Variants in RPGRIP1L observed in about 807,000 individuals in gnomAD.
RPGRIP1L encodes protein fantom.
A neutral mutation model predicts 160.4 loss-of-function variants in RPGRIP1L; 131 were observed. The ratio of observed to expected loss-of-function variants is 0.82; its 90% CI spans 0.71 to 0.94. The LOEUF (loss-of-function observed/expected upper bound fraction) is 0.94, where lower values mean the gene tolerates loss of function less well. Among genes scored for constraint, RPGRIP1L ranks in the 40% least tolerant of loss-of-function variants. The pLI is 0.00. For synonymous variants in RPGRIP1L, 510 were observed against 515.8 expected, an observed-to-expected ratio of 0.99 and a Z score of 0.15; for missense variants, 1,522 against 1,535.8, an observed-to-expected ratio of 0.99 and a Z score of 0.15.
chr16:53,636,104 A>T (rs923684497), intron 22 of RPGRIP1L, among the ~76,000 whole-genome samples: 2 of 152,186 alleles, frequency 1.3e-5, no homozygotes, highest in African/African-American at 4.8e-5. Context: ...CACATTTTGA[A>T]TTCTTTAAAG....
At position 53,687,932 on chromosome 16, in the gene RPGRIP1L, G is replaced by A; in HGVS notation, c.563C>T (p.Thr188Ile). The change falls in exon 5 of 27, where the codon ACT (threonine) becomes ATT (isoleucine). Residue 188 changes from threonine (T) to isoleucine (I), a missense_variant. Coordinates refer to ENST00000647211, the MANE Select transcript of RPGRIP1L (RefSeq NM_015272.5). ...ATATTTTGTAAACATGGGATGTGGA[G>A]TTTCTGCTACATCTGCATCTTGGAA... ...IKFQDADVAE[T>I]PHPMFTKYGN... is the part of the protein sequence containing the mutation. 8 of 1,610,430 alleles carry A rather than the reference G, an allele frequency of 5.0e-6. No homozygotes were observed. The highest frequency in any genetic ancestry group is 1.7e-5 in the Admixed American group (1 of 59,984).
chr16:53,645,648 A>C lies in RPGRIP1L; in HGVS notation c.2660T>G (p.Leu887Trp). 1.9e-6 allele frequency: 3 copies of C among 1,613,884 alleles called. No homozygotes were observed. Among genetic ancestry groups the C allele is most frequent in the Non-Finnish European group, 2.5e-6 (3 of 1,179,926 alleles). ...ACCTGAGATACACCTGTCATGTGCCAACGAAATCAGAGGCACATTGACTTT... is the reference window on the plus strand; with the variant it reads ...ACCTGAGATACACCTGTCATGTGCCCACGAAATCAGAGGCACATTGACTTT... The part of the protein sequence containing the change: ...IGKVNVPLIS[L>W]AHDRCISGIF... The change falls in exon 17 of 27, where the codon TTG (leucine) becomes TGG (tryptophan). Residue 887 changes from leucine (L) to tryptophan (W), a missense_variant. Coordinates refer to ENST00000647211, the MANE Select transcript of RPGRIP1L (RefSeq NM_015272.5).
intron 26 of RPGRIP1L, among the ~76,000 whole-genome samples, chr16:53,603,736 G>C (rs1963509210): frequency 6.6e-6 from 1 of 151,542 alleles, no homozygotes; most frequent in East Asian, 2.0e-4. Context: ...TTGTTAGAAA[G>C]CCTTAAAACT....
intron 25 of RPGRIP1L, 78 bp downstream of exon 25, chr16:53,610,889 C>T (rs1963991796): frequency 1.7e-6 from 2 of 1,162,588 alleles, no homozygotes; most frequent in Non-Finnish European, 2.6e-6. Context: ...TCATCTTGTG[C>T]CTTTTATTTT....
In RPGRIP1L at chr16:53,599,435, G is replaced by T. The variant is rs1030744301; in HGVS notation, c.*2641C>A. 2.0e-5 allele frequency: 3 copies of T among 152,162 alleles called. No individual in the cohort carries two copies. The highest frequency in any genetic ancestry group is 2.0e-4 in the Admixed American group (3 of 15,286). The allele number at this position is 152,162 out of a possible 1,614,324, so 9.4% of individuals were successfully genotyped here. A position where few individuals can be genotyped will look rare whatever the true frequency, so the allele number is the denominator to read the frequency against. Reference sequence around the variant, plus strand: ...AACTGCTTTTCATGACAGTGGCTGGGAATTTGACATTTCTACTACAGTAGG... The same window carrying T: ...AACTGCTTTTCATGACAGTGGCTGGTAATTTGACATTTCTACTACAGTAGG... On this transcript the variant is annotated 3_prime_UTR_variant, in exon 27 of 27. Coordinates refer to ENST00000647211, the MANE Select transcript of RPGRIP1L (RefSeq NM_015272.5).
intron 24 of RPGRIP1L, among the ~76,000 whole-genome samples, chr16:53,618,031 T>C (rs1369972017): frequency 6.6e-6 from 1 of 152,210 alleles, no homozygotes; most frequent in Non-Finnish European, 1.5e-5. Context: ...GGTAGCCTGA[T>C]ATTATTTTTT....
intron 4 of RPGRIP1L, among the ~76,000 whole-genome samples, chr16:53,691,137 T>C (rs1363361703): frequency 6.6e-6 from 1 of 151,846 alleles, no homozygotes; most frequent in East Asian, 1.9e-4. Context: ...CCTCAAAGAA[T>C]TGAAACTAAA....
In RPGRIP1L at chr16:53,675,057, G is replaced by A. The variant is rs756933002; in HGVS notation, c.842C>T (p.Ala281Val). ...AAATTTTCCTTCCATTGCTGAAAGA[G>A]CATTGCTTTTCTCTACTAGCTGTTT... ...LHKQLVEKSN[A>V]LSAMEGKFIQ... Residue 281 changes from alanine to valine, a missense_variant, in exon 7 of 27, where the codon GCT becomes GTT. Transcript: ENST00000647211. 1.2e-6 allele frequency: 2 copies of A among 1,610,910 alleles called. No homozygotes were observed. The highest frequency in any genetic ancestry group is 1.7e-5 in the Admixed American group (1 of 59,948).
At chr16:53,684,074 A>C (rs1261192336) in intron 6 of RPGRIP1L, among the ~76,000 whole-genome samples, 2 of 152,192 alleles carry the variant, frequency 1.3e-5, no homozygotes, top group Non-Finnish European at 1.5e-5. Flanking sequence ...AATGGTGATC[A>C]CTAAAAATTC....
At chr16:53,670,056 G>C (rs1968581933) in intron 9 of RPGRIP1L, among the ~76,000 whole-genome samples, 1 of 152,114 alleles carries the variant, frequency 6.6e-6, no homozygotes, top group South Asian at 2.1e-4. Context: ...ACACACATAT[G>C]ATTTTAACTG....
intron 21 of RPGRIP1L, 35 bp from the exon 22 acceptor site, chr16:53,636,547 G>A: frequency 6.9e-7 from 1 of 1,438,906 alleles, no homozygotes; most frequent in Non-Finnish European, 9.8e-7. Context: ...ATTTACACAA[G>A]TTAAACCAAT....
intron 1 of RPGRIP1L, among the ~76,000 whole-genome samples, chr16:53,701,509 G>A (rs1331634269): frequency 6.7e-6 from 1 of 149,328 alleles, no homozygotes; most frequent in East Asian, 1.9e-4. Flanking sequence ...GATGTGAGTG[G>A]TCCACACAAT....
chr16:53,625,279 G>A (rs1401994891), intron 22 of RPGRIP1L, among the ~76,000 whole-genome samples: 1 of 151,854 alleles, frequency 6.6e-6, no homozygotes, highest in Non-Finnish European at 1.5e-5. Flanking sequence ...GGGAAGTGAG[G>A]AGCGTCTCTG....
intron 10 of RPGRIP1L, among the ~76,000 whole-genome samples, chr16:53,663,798 T>G (rs1212178090): frequency 6.6e-6 from 1 of 152,144 alleles, no homozygotes; most frequent in Non-Finnish European, 1.5e-5. Flanking sequence ...CTCCATTGAT[T>G]ATGTGTTCCA....
chr16:53,663,015 T>C (rs1410520468), intron 10 of RPGRIP1L, among the ~76,000 whole-genome samples: 4 of 151,972 alleles, frequency 2.6e-5, no homozygotes, highest in Non-Finnish European at 5.9e-5. Flanking sequence ...GATTTTACAA[T>C]ATAGCAAAAA....
chr16:53,660,718 C>A (rs2151176500), intron 10 of RPGRIP1L, among the ~76,000 whole-genome samples: 1 of 149,560 alleles, frequency 6.7e-6, no homozygotes, highest in African/African-American at 2.5e-5. Context: ...ACATGGTGAA[C>A]CCCGTCTCTA....
chr16:53,640,224 A>G (rs1249848281), intron 19 of RPGRIP1L, among the ~76,000 whole-genome samples: 2 of 152,226 alleles, frequency 1.3e-5, no homozygotes, highest in African/African-American at 4.8e-5. Flanking sequence ...GGAAACAGTG[A>G]AAGAGGCAAA....
At chr16:53,697,146 C>T (rs1286533657) in intron 2 of RPGRIP1L, among the ~76,000 whole-genome samples, 1 of 151,696 alleles carries the variant, frequency 6.6e-6, no homozygotes, top group Non-Finnish European at 1.5e-5. Flanking sequence ...TGAGATTGTG[C>T]CACTGCACTC....
At position 53,636,519 on chromosome 16, in the gene RPGRIP1L, A is replaced by T. The variant is rs1170674790; in HGVS notation, c.3221-7T>A. The T allele has an allele frequency of 1.2e-6, 2 of 1,602,724 alleles. No individual in the cohort carries two copies. The highest frequency in any genetic ancestry group is 2.7e-5 in the African/African-American group (2 of 74,646). ...GCTGACATGTCCTCTTCAACTGTTT[A>T]AAAAATAAAAGGGTAACATTTACAC... On this transcript the variant is annotated splice_polypyrimidine_tract_variant and splice_region_variant and intron_variant, in intron 21 of 26. Coordinates refer to ENST00000647211, the MANE Select transcript of RPGRIP1L (RefSeq NM_015272.5).
Sources: allele counts gnomAD v4.1 joint callset (sites outside exome capture counted in the v4.1 genomes callset), GRCh38; gene constraint gnomAD v4.1.1; transcripts MANE v1.5; gene names NCBI Gene and HGNC (gene_info 2026-07-23, HGNC 2026-07-21).